The following RELN variants were observed in gnomAD, a reference collection of about 807,000 sequenced individuals.
RELN encodes the protein reelin.
RELN carries 108 observed loss-of-function variants against 427.6 expected under a neutral mutation model. That is an observed-to-expected ratio of 0.25 (90% CI 0.22 to 0.30). The LOEUF (loss-of-function observed/expected upper bound fraction) is 0.30. Ranked by LOEUF, RELN falls within the 10% of genes least tolerant of loss-of-function variation. RELN has a pLI of 1.00. For synonymous variants in RELN, 1,524 were observed against 1,513.4 expected (o/e 1.01, Z -0.16); for missense variants, 3,715 against 4,302.8 (o/e 0.86, Z 3.82).
chr7:103,531,980 T>C (rs1829950160), intron 46 of RELN, among the ~76,000 whole-genome samples: 1 of 152,126 alleles, frequency 6.6e-6, no homozygotes, highest in East Asian at 1.9e-4. Context: ...CTTTCTATTA[T>C]TGATACACAC....
chr7:103,651,240 G>T (rs1031408214), intron 15 of RELN, among the ~76,000 whole-genome samples: 2 of 152,008 alleles, frequency 1.3e-5, no homozygotes, highest in African/African-American at 2.4e-5. Context: ...CCCCAATGAG[G>T]TATATTAAAT....
At chr7:103,511,214 C>A (rs1829401310) in intron 50 of RELN, among the ~76,000 whole-genome samples, 1 of 151,964 alleles carries the variant, frequency 6.6e-6, no homozygotes, top group South Asian at 2.1e-4. Flanking sequence ...GATATTAGTA[C>A]ACACACAACC....
At chr7:103,900,008 G>A (rs1795048184) in intron 2 of RELN, among the ~76,000 whole-genome samples, 3 of 152,096 alleles carry the variant, frequency 2.0e-5, no homozygotes, top group Admixed American at 6.6e-5. Flanking sequence ...AAGTCAAATA[G>A]TCCCTGTTTG....
intron 2 of RELN, among the ~76,000 whole-genome samples, chr7:103,908,667 A>ATTCTT (rs969667173): frequency 1.3e-5 from 2 of 152,220 alleles, no homozygotes; most frequent in Non-Finnish European, 2.9e-5. Context: ...TTAGTAAGCG[A>ATTCTT]TTCTTTTCAA....
At chr7:103,708,883 C>T (rs192720716) in intron 8 of RELN, among the ~76,000 whole-genome samples, 20 of 152,146 alleles carry the variant, frequency 1.3e-4, no homozygotes, top group Non-Finnish European at 2.4e-4. Flanking sequence ...CGTTGACCTC[C>T]GATTTAATTT....
At chr7:103,526,708 C>T (rs761673638) in intron 46 of RELN, among the ~76,000 whole-genome samples, 8 of 152,294 alleles carry the variant, frequency 5.3e-5, no homozygotes, top group Admixed American at 3.3e-4. Flanking sequence ...GGCTACATCA[C>T]TTATGTTTAT....
At chr7:103,718,685 T>C (rs1211665618) in intron 8 of RELN, among the ~76,000 whole-genome samples, 1 of 152,188 alleles carries the variant, frequency 6.6e-6, no homozygotes, top group Admixed American at 6.6e-5. Context: ...AATGGTTACT[T>C]GTCACTCAGG....
intron 41 of RELN, 45 bp downstream of exon 41, chr7:103,551,022 C>T (rs749235482): frequency 2.0e-6 from 3 of 1,501,734 alleles, no homozygotes; most frequent in Non-Finnish European, 1.8e-6. Flanking sequence ...CAGGAATAAA[C>T]TGTCAAAGGA....
chr7:103,708,967 C>T (rs2115837139), intron 8 of RELN, among the ~76,000 whole-genome samples: 1 of 152,262 alleles, frequency 6.6e-6, no homozygotes, highest in Admixed American at 6.5e-5. Flanking sequence ...ATGTTGGCCC[C>T]TCCAGAGCAA....
chr7:103,697,869 G>A lies in RELN; in HGVS notation c.1127C>T (p.Pro376Leu). Reference protein sequence around the residue: ...PVDTGNWLFFPGATVKHSCQS... With the variant: ...PVDTGNWLFFLGATVKHSCQS... ...AGCTCTAACCTTAACTGTAGCTCCT[G>A]GGAAGAAAAGCCAGTTGCCTGTGTC... The change falls in exon 10 of 65, where the codon CCA (proline) becomes CTA (leucine). Residue 376 changes from proline (P) to leucine (L), a missense_variant. Pro to Leu is a moderately conservative substitution (Grantham distance 98, BLOSUM62 -3). Coordinates refer to ENST00000428762, the MANE Select transcript of RELN (RefSeq NM_005045.4). 1 of 1,613,586 alleles carries A rather than the reference G, an allele frequency of 6.2e-7. No homozygotes were observed. The highest frequency in any genetic ancestry group is 8.5e-7 in the Non-Finnish European group (1 of 1,179,716).
At chr7:103,591,389 T>C (rs1831412648) in intron 27 of RELN, among the ~76,000 whole-genome samples, 1 of 152,208 alleles carries the variant, frequency 6.6e-6, no homozygotes, top group Non-Finnish European at 1.5e-5. Context: ...TCCTCATGAC[T>C]GTAAGGCAGC....
chr7:103,812,754 A>G (rs1792774960), intron 3 of RELN, among the ~76,000 whole-genome samples: 2 of 152,228 alleles, frequency 1.3e-5, no homozygotes. Flanking sequence ...CTGATCCTCT[A>G]TGCAGAATCT....
chr7:103,782,791 A>G (rs1791924444), intron 3 of RELN, among the ~76,000 whole-genome samples: 1 of 152,214 alleles, frequency 6.6e-6, no homozygotes, highest in African/African-American at 2.4e-5. Flanking sequence ...TCATGAATCA[A>G]TTTGCTCATA....
At chr7:103,570,913 T>C (rs1562897791) in intron 31 of RELN, among the ~76,000 whole-genome samples, 1 of 152,200 alleles carries the variant, frequency 6.6e-6, no homozygotes, top group East Asian at 1.9e-4. Context: ...TTTGGTGATA[T>C]TGTATCAATA....
At chr7:103,750,946 G>A (rs1790983509) in intron 5 of RELN, among the ~76,000 whole-genome samples, 7 of 152,168 alleles carry the variant, frequency 4.6e-5, no homozygotes. Flanking sequence ...TTCACCAACT[G>A]TAGAGTTCAT....
chr7:103,739,310 A>C (rs1790578595), intron 6 of RELN, among the ~76,000 whole-genome samples: 1 of 152,250 alleles, frequency 6.6e-6, no homozygotes, highest in Non-Finnish European at 1.5e-5. Flanking sequence ...AAGTGTTAAT[A>C]AAATACGACG....
At chr7:103,482,848 G>A (rs773022712) in intron 63 of RELN, 25 bp downstream of exon 63, 2 of 1,613,908 alleles carry the variant, frequency 1.2e-6, no homozygotes, top group Non-Finnish European at 1.7e-6. Context: ...AAATGGACAT[G>A]GGATGCCATG....
intron 20 of RELN, among the ~76,000 whole-genome samples, chr7:103,613,474 T>C (rs1005259740): frequency 3.3e-5 from 5 of 152,088 alleles, no homozygotes; most frequent in Non-Finnish European, 5.9e-5. Flanking sequence ...TTTAGCAATA[T>C]TGGAAAAATA....
intron 28 of RELN, 118 bp from the exon 29 acceptor site, chr7:103,575,823 T>A: frequency 7.3e-6 from 8 of 1,096,492 alleles, no homozygotes; most frequent in East Asian, 2.4e-5. Context: ...AAGTCATGTC[T>A]GCTTGACTGC....
Sources: allele counts gnomAD v4.1 joint callset (sites outside exome capture counted in the v4.1 genomes callset), GRCh38; gene constraint gnomAD v4.1.1; transcripts MANE v1.5; gene names NCBI Gene and HGNC (gene_info 2026-07-23, HGNC 2026-07-21).